Variants in ANXA10 observed in about 807,000 individuals in gnomAD.
The protein encoded by ANXA10 is annexin 14.
Under a neutral mutation model 53.5 loss-of-function variants are expected in ANXA10, and 49 were observed. The ratio of observed to expected loss-of-function variants is 0.92; its 90% CI spans 0.73 to 1.16. The LOEUF (loss-of-function observed/expected upper bound fraction) is 1.16, where lower values mean the gene tolerates loss of function less well. Among genes scored for constraint, ANXA10 ranks in the 50% most tolerant of loss-of-function variants. The pLI, the probability that ANXA10 is intolerant of heterozygous loss-of-function variation, is 0.00. For synonymous variants in ANXA10, 131 were observed against 128.9 expected (o/e 1.02, Z -0.11); for missense variants, 393 against 394.4 (o/e 1.00, Z 0.03).
chr4:168,162,428 T>C (rs1731801349), intron 3 of ANXA10, 100 bp from the exon 4 acceptor site: 2 of 805,648 alleles, frequency 2.5e-6, no homozygotes, highest in Non-Finnish European at 4.1e-6. Flanking sequence ...TATTATTAAA[T>C]GACATGGAAA....
At chr4:168,140,899 C>A (rs867506678) in intron 3 of ANXA10, among the ~76,000 whole-genome samples, 1 of 152,192 alleles carries the variant, frequency 6.6e-6, no homozygotes, top group Non-Finnish European at 1.5e-5. Flanking sequence ...GGATTACAGG[C>A]GTGAGCCACT....
intron 3 of ANXA10, among the ~76,000 whole-genome samples, chr4:168,158,270 G>A (rs1415091645): frequency 6.6e-6 from 1 of 152,142 alleles, no homozygotes; most frequent in African/African-American, 2.4e-5. Flanking sequence ...TAGTTGAAAG[G>A]TCTTGTCCAT....
Position 168,155,955 on chromosome 4 carries a change from TATC to T in ANXA10, c.196-6570_196-6568del, listed in dbSNP as rs1731644393. Among the ~76,000 whole-genome samples the T allele has an allele frequency of 7.6e-4, 5 of 6,544 alleles. 2 individuals are homozygous for T. The highest frequency in any genetic ancestry group is 3.3e-3 in the African/African-American group (5 of 1,534). 4.3% of individuals were successfully genotyped at this position (6,544 alleles called of 152,430 possible). A position where few individuals can be genotyped will look rare whatever the true frequency, so the allele number is the denominator to read the frequency against. ...TATATGTTATATATAATATATGATA[TATC>T]ATATATTATATTATATGATATATCA... is the stretch of plus-strand genomic sequence containing the variant. On this transcript the variant is annotated intron_variant, in intron 3 of 11. Transcript: ENST00000359299.
chr4:168,104,675 G>A (rs1205371797), intron 1 of ANXA10, among the ~76,000 whole-genome samples: 1 of 151,886 alleles, frequency 6.6e-6, no homozygotes. Context: ...ATCATTCATA[G>A]CATTCCTTTT....
chr4:168,180,470 A>C (rs1454101686), intron 9 of ANXA10, among the ~76,000 whole-genome samples: 5 of 152,214 alleles, frequency 3.3e-5, no homozygotes, highest in Non-Finnish European at 7.3e-5. Context: ...GGACATTAGA[A>C]ATGGCAGAAA....
intron 1 of ANXA10, among the ~76,000 whole-genome samples, chr4:168,117,925 T>C (rs923141808): frequency 6.1e-5 from 9 of 146,702 alleles, no homozygotes; most frequent in Non-Finnish European, 1.2e-4. Context: ...ACTCACTCAC[T>C]CACTCACTCA....
chr4:168,093,896 A>G (rs1420183263), intron 1 of ANXA10, among the ~76,000 whole-genome samples: 1 of 152,194 alleles, frequency 6.6e-6, no homozygotes, highest in Non-Finnish European at 1.5e-5. Context: ...ATTTCATCTT[A>G]AGATTTCAAG....
chr4:168,141,353 A>G (rs779224085), intron 3 of ANXA10, among the ~76,000 whole-genome samples: 4 of 152,166 alleles, frequency 2.6e-5, no homozygotes, highest in Admixed American at 6.5e-5. Context: ...TGACTTACAC[A>G]GTCTTGATTT....
intron 3 of ANXA10, among the ~76,000 whole-genome samples, chr4:168,160,306 T>C (rs188005273): frequency 1.3e-5 from 2 of 152,210 alleles, no homozygotes; most frequent in Admixed American, 6.5e-5. Flanking sequence ...AAGTGAAACA[T>C]ACAGTGTTTG....
At chr4:168,128,768 C>T (rs1041374542) in intron 2 of ANXA10, among the ~76,000 whole-genome samples, 2 of 152,004 alleles carry the variant, frequency 1.3e-5, no homozygotes, top group African/African-American at 2.4e-5. Flanking sequence ...CTTCCTACCT[C>T]TCACTCCCCT....
intron 6 of ANXA10, among the ~76,000 whole-genome samples, chr4:168,173,277 G>T (rs72987489): frequency 0.02 from 3,051 of 152,194 alleles, 84 homozygotes; most frequent in African/African-American, 0.069. Flanking sequence ...AAGGCCAGTT[G>T]GTAGCCTCTG....
chr4:168,097,270 T>C (rs974152611), intron 1 of ANXA10, among the ~76,000 whole-genome samples: 1 of 151,642 alleles, frequency 6.6e-6, no homozygotes, highest in Middle Eastern at 3.2e-3. Flanking sequence ...CTGCTCTTAT[T>C]AAAGTAAACA....
At chr4:168,104,405 T>G (rs1730686688) in intron 1 of ANXA10, among the ~76,000 whole-genome samples, 1 of 151,938 alleles carries the variant, frequency 6.6e-6, no homozygotes, top group Non-Finnish European at 1.5e-5. Flanking sequence ...TAATCTAGAT[T>G]CATAAAATGA....
chr4:168,134,649 G>T (rs1731208545), intron 2 of ANXA10, among the ~76,000 whole-genome samples: 1 of 151,978 alleles, frequency 6.6e-6, no homozygotes, highest in Admixed American at 6.6e-5. Flanking sequence ...TTTTGTTTCT[G>T]CCTTTTAGTT....
At chr4:168,097,209 A>G (rs1371068163) in intron 1 of ANXA10, among the ~76,000 whole-genome samples, 3 of 151,762 alleles carry the variant, frequency 2.0e-5, no homozygotes, top group Admixed American at 1.3e-4. Flanking sequence ...TTCTCCTTCA[A>G]TTCTCTCCGT....
chr4:168,154,062 T>C (rs1416702486), intron 3 of ANXA10, among the ~76,000 whole-genome samples: 1 of 151,940 alleles, frequency 6.6e-6, no homozygotes, highest in African/African-American at 2.4e-5. Flanking sequence ...CGCCATCTAC[T>C]GGCACTACTA....
intron 1 of ANXA10, among the ~76,000 whole-genome samples, chr4:168,118,336 C>A (rs1379841129): frequency 6.6e-6 from 1 of 152,152 alleles, no homozygotes; most frequent in Non-Finnish European, 1.5e-5. Context: ...GTGTAATGAT[C>A]AGTGTCACAG....
intron 3 of ANXA10, among the ~76,000 whole-genome samples, chr4:168,150,934 G>A (rs1476565700): frequency 6.6e-6 from 1 of 152,118 alleles, no homozygotes; most frequent in African/African-American, 2.4e-5. Flanking sequence ...CAAAGGGCTG[G>A]TTTCTGGTTA....
intron 1 of ANXA10, among the ~76,000 whole-genome samples, chr4:168,099,410 T>C (rs1730605171): frequency 6.6e-6 from 1 of 152,160 alleles, no homozygotes; most frequent in Non-Finnish European, 1.5e-5. Context: ...ACCTGTGGGC[T>C]GACTGCTGTG....
Sources: gnomAD v4.1 joint callset for allele counts (sites outside exome capture counted in the v4.1 genomes callset) on GRCh38, gnomAD v4.1.1 for gene constraint, MANE v1.5 for transcripts, NCBI Gene and HGNC (gene_info 2026-07-23, HGNC 2026-07-21) for gene names.